ZDHHC8: variants seen among roughly 807,000 people sequenced by gnomAD.
ZDHHC8 encodes zDHHC palmitoyltransferase 8.
Under a neutral mutation model 61.2 loss-of-function variants are expected in ZDHHC8, and 24 were observed. The ratio of observed to expected loss-of-function variants is 0.39; its 90% CI spans 0.28 to 0.55. ZDHHC8 has a LOEUF of 0.55. Among genes scored for constraint, ZDHHC8 ranks in the 20% least tolerant of loss-of-function variants. The pLI, the probability that ZDHHC8 is intolerant of heterozygous loss-of-function variation, is 0.60. For missense variants in ZDHHC8, 935 were observed against 1,102.1 expected (o/e 0.85, Z 2.15); for synonymous variants, 523 against 492.5 (o/e 1.06, Z -0.82).
chr22:20,137,934 GC>G (rs1215362986), intron 1 of ZDHHC8, among the ~76,000 whole-genome samples: 1 of 152,240 alleles, frequency 6.6e-6, no homozygotes, highest in Non-Finnish European at 1.5e-5. Flanking sequence ...ACCTCCACGG[GC>G]TGGGCCCTGG....
Position 20,142,979 on chromosome 22 carries a change from C to T in ZDHHC8, c.1349C>T (p.Pro450Leu), listed in dbSNP as rs2050484762. 1.2e-6 allele frequency: 2 copies of T among 1,605,138 alleles called. No individual in the cohort carries two copies. The highest frequency in any genetic ancestry group is 8.5e-7 in the Non-Finnish European group (1 of 1,174,992). ...GGCGGGGATCATGTGGCCCTGCAGC[C>T]CCTGCGCTCTGAGGGGGGGCCCCCC... is the stretch of plus-strand genomic sequence containing the variant. ...RRGGDHVALQ[P>L]LRSEGGPPTP... Residue 450 changes from proline to leucine, a missense_variant, in exon 10 of 11, where the codon CCC (proline) becomes CTC (leucine). This residue lies in a region of ZDHHC8 where 692 missense variants were observed against 731.4 expected (regional missense o/e 0.95). Coordinates refer to ENST00000334554, the MANE Select transcript of ZDHHC8 (RefSeq NM_013373.4).
rs80226867 is a variant in ZDHHC8, at chr22:20,143,593, G to A, written c.1963G>A (p.Ala655Thr). ...SLQADQASSNAPGPRPSSGSH... is the reference protein window; with the variant it reads ...SLQADQASSNTPGPRPSSGSH... ...GCAGGCTGATCAGGCCAGCAGCAAC[G>A]CCCCGGGGCCCCGGCCCAGCAGTGG... The change falls in exon 10 of 11, where the codon GCC becomes ACC. Residue 655 changes from alanine to threonine, a missense_variant. Ala to Thr is a moderately conservative substitution (Grantham distance 58). Around this residue, in one of 3 missense-constraint regions of ZDHHC8, gnomAD observed 692 missense variants for 731.4 expected, o/e 0.95. Transcript: ENST00000334554. 0.054 allele frequency: 86,737 copies of A among 1,600,160 alleles called. 2,626 individuals are homozygous for A. The highest frequency in any genetic ancestry group is 0.099 in the South Asian group (8,976 of 90,484).
At chr22:20,134,389 C>A (rs1568990717) in intron 1 of ZDHHC8, among the ~76,000 whole-genome samples, 1 of 152,200 alleles carries the variant, frequency 6.6e-6, no homozygotes, top group Non-Finnish European at 1.5e-5. Flanking sequence ...GTCGGCTGGC[C>A]CATTGATGCC....
At chr22:20,144,408 C>A (rs1416794651) in intron 10 of ZDHHC8, among the ~76,000 whole-genome samples, 3 of 152,220 alleles carry the variant, frequency 2.0e-5, no homozygotes, top group African/African-American at 7.2e-5. Context: ...AGCTGCACAC[C>A]TGCTGGGGCC....
rs1304049467 is a variant in ZDHHC8, at chr22:20,143,425, G to A, written c.1795G>A (p.Gly599Ser). 5.6e-6 allele frequency: 9 copies of A among 1,598,022 alleles called. No individual in the cohort carries two copies. The highest frequency in any genetic ancestry group is 1.1e-5 in the South Asian group (1 of 90,316). ...CAGTGTGCTGTCCGAGGGCCCCCGA[G>A]GTCCCGCGCTGCGCTATGGCTCCAG... ...QASVLSEGPR[G>S]PALRYGSRDD... Residue 599 changes from glycine (G) to serine (S), a missense_variant, in exon 10 of 11, where the codon GGT (glycine) becomes AGT (serine). By Grantham distance (56) the Gly-to-Ser change is moderately conservative (BLOSUM62 0). Transcript: ENST00000334554.
intron 1 of ZDHHC8, among the ~76,000 whole-genome samples, chr22:20,136,253 A>C (rs1243098699): frequency 6.6e-6 from 1 of 152,010 alleles, no homozygotes; most frequent in African/African-American, 2.4e-5. Context: ...CCTGGTGTGC[A>C]CCATCAGGTC....
intron 2 of ZDHHC8, 59 bp from the exon 3 acceptor site, chr22:20,139,415 GGGGA>G: frequency 6.2e-7 from 1 of 1,605,242 alleles, no homozygotes; most frequent in Non-Finnish European, 8.5e-7. Flanking sequence ...GCTGGACTTG[GGGGA>G]GGGATTCACC....
At position 20,131,985 on chromosome 22, in the gene ZDHHC8, A is replaced by G. The variant is rs1338965945; in HGVS notation, c.38A>G (p.Lys13Arg). The G allele has an allele frequency of 7.3e-7, 1 of 1,366,690 alleles. No homozygotes were observed. The highest frequency in any genetic ancestry group is 2.2e-5 in the Admixed American group (1 of 45,376). The allele number at this position is 1,366,690 out of a possible 1,614,324, so 84.7% of individuals were successfully genotyped here. Residue 13 changes from lysine to arginine, a missense_variant, in exon 1 of 11, where the codon AAG (lysine) becomes AGG (arginine). Physicochemically the swap from Lys to Arg is conservative, Grantham distance 26. Coordinates refer to ENST00000334554, the MANE Select transcript of ZDHHC8 (RefSeq NM_013373.4). ...RSPGTRLKPA[K>R]YIPVATAAAL... is the part of the protein sequence containing the mutation. Reference sequence around the variant, plus strand: ...CCCGGGACGCGCCTCAAACCCGCCAAGTACATCCCGGTGGCCACGGCCGCC... The same window carrying G: ...CCCGGGACGCGCCTCAAACCCGCCAGGTACATCCCGGTGGCCACGGCCGCC...
intron 1 of ZDHHC8, 56 bp from the exon 2 acceptor site, chr22:20,139,138 C>T: frequency 6.3e-7 from 1 of 1,579,876 alleles, no homozygotes; most frequent in Admixed American, 1.8e-5. Flanking sequence ...TAGCTCTGCG[C>T]CTGCATCCGC....
At position 20,140,682 on chromosome 22, in the gene ZDHHC8, C is replaced by T. The variant is rs747747722; in HGVS notation, c.726C>T (p.His242=). ...FTRGCCGNVE[H]VLCSPLAPRY... ...GAGGCTGCTGTGGGAATGTGGAGCA[C>T]GTGCTGTGTAGCCCCCTGGCGCCCC... The change falls in exon 6 of 11, where the codon CAC becomes CAT. Residue 242 remains histidine (H), a synonymous_variant. Transcript: ENST00000334554. The T allele has an allele frequency of 6.1e-5, 98 of 1,611,818 alleles. No homozygotes were observed. Among genetic ancestry groups the T allele is most frequent in the South Asian group, 1.3e-4 (12 of 90,858 alleles).
At chr22:20,141,607 C>T in intron 9 of ZDHHC8, 77 bp downstream of exon 9, 5 of 1,249,948 alleles carry the variant, frequency 4.0e-6, no homozygotes, top group Non-Finnish European at 5.6e-6. Context: ...ACAGCCTTCA[C>T]CCCGTGAAGG....
At chr22:20,142,639 G>T (rs1322947841) in intron 9 of ZDHHC8, 117 bp from the exon 10 acceptor site, 41 of 1,364,734 alleles carry the variant, frequency 3.0e-5, no homozygotes, top group Middle Eastern at 5.1e-4. Context: ...GGCTCTTATG[G>T]CTCCTTGAGG....
chr22:20,147,485 C>G lies in ZDHHC8; in HGVS notation c.*2085C>G. On this transcript the variant is annotated 3_prime_UTR_variant, in exon 11 of 11. Transcript: ENST00000334554. Reference sequence around the variant, plus strand: ...CCCAGAGCTGTGGGGACCGGCACGACCTTTGCCCAGCCTCCCTACCCAACC... The same window carrying G: ...CCCAGAGCTGTGGGGACCGGCACGAGCTTTGCCCAGCCTCCCTACCCAACC... 2.6e-6 allele frequency: 1 copy of G among 383,864 alleles called. No homozygotes were observed. The highest frequency in any genetic ancestry group is 4.6e-6 in the Non-Finnish European group (1 of 217,000). 23.8% of individuals were successfully genotyped at this position (383,864 alleles called of 1,614,324 possible). A position where few individuals can be genotyped will look rare whatever the true frequency, so the allele number is the denominator to read the frequency against.
chr22:20,139,697 C>A (rs1278204805), intron 3 of ZDHHC8, 23 bp from the exon 4 acceptor site: 1 of 1,611,598 alleles, frequency 6.2e-7, no homozygotes, highest in East Asian at 2.2e-5. Context: ...TGCCATGTGC[C>A]CTGATGCACT....
chr22:20,143,129 G>A lies in ZDHHC8; in HGVS notation c.1499G>A (p.Gly500Asp). 6.2e-7 allele frequency: 1 copy of A among 1,612,072 alleles called. No individual in the cohort carries two copies. The highest frequency in any genetic ancestry group is 1.1e-5 in the South Asian group (1 of 91,084). Residue 500 changes from glycine (G) to aspartate (D), a missense_variant, in exon 10 of 11, where the codon GGC (glycine) becomes GAC (aspartate). Coordinates refer to ENST00000334554, the MANE Select transcript of ZDHHC8 (RefSeq NM_013373.4). ...GCCTGCCCTGCCCACCCAGCAGTTG[G>A]CGTGGCCGGATACCACTCACCCTAC... The part of the protein sequence containing the change: ...GHACPAHPAV[G>D]VAGYHSPYLH...
chr22:20,147,594 C>A lies in ZDHHC8; in HGVS notation c.*2194C>A, dbSNP rs1263880903. The A allele has an allele frequency of 9.3e-6, 2 of 214,504 alleles. No homozygotes were observed. The highest frequency in any genetic ancestry group is 9.2e-6 in the Non-Finnish European group (1 of 109,128). The allele number at this position is 214,504 out of a possible 1,614,324, so 13.3% of individuals were successfully genotyped here. On this transcript the variant is annotated 3_prime_UTR_variant, in exon 11 of 11. Coordinates refer to ENST00000334554, the MANE Select transcript of ZDHHC8 (RefSeq NM_013373.4). ...TGGGTGGGGGGGGGGTCTCAGGTTG[C>A]CCCTGAAGGTCTCTGCACTCCTCCT...
chr22:20,141,316 A>T lies in ZDHHC8; in HGVS notation c.994A>T (p.Thr332Ser). 3 of 1,612,530 alleles carry T rather than the reference A, an allele frequency of 1.9e-6. No individual in the cohort carries two copies. The highest frequency in any genetic ancestry group is 2.5e-6 in the Non-Finnish European group (3 of 1,179,784). ...EAGTFSSDLQ[T>S]PRPGSAESAL... ...TGGCACGTTCAGCAGTGACCTGCAG[A>T]CCCCGCGCCCAGGCAGTGCTGGTGA... Residue 332 changes from threonine (T) to serine (S), a missense_variant, in exon 8 of 11, where the codon ACC becomes TCC. Thr to Ser is a moderately conservative substitution (Grantham distance 58). Around this residue, in one of 3 missense-constraint regions of ZDHHC8, gnomAD observed 692 missense variants for 731.4 expected, o/e 0.95. Transcript: ENST00000334554.
intron 7 of ZDHHC8, 98 bp downstream of exon 7, chr22:20,141,110 G>A: frequency 6.3e-7 from 1 of 1,591,868 alleles, no homozygotes; most frequent in South Asian, 1.1e-5. Context: ...GGGGCAGACA[G>A]AGCCGTAGAC....
At chr22:20,144,918 C>A (rs2050507791) in intron 10 of ZDHHC8, among the ~76,000 whole-genome samples, 1 of 152,198 alleles carries the variant, frequency 6.6e-6, no homozygotes, top group South Asian at 2.1e-4. Flanking sequence ...TCAGTGCCCA[C>A]CTGGCTGCCC....
Sources: gnomAD v4.1 joint callset for allele counts (sites outside exome capture counted in the v4.1 genomes callset) on GRCh38, gnomAD v4.1.1 for gene constraint, gnomAD v4.1.1 regional missense constraint, MANE v1.5 for transcripts, NCBI Gene and HGNC (gene_info 2026-07-23, HGNC 2026-07-21) for gene names.